Variants in ZHX3 observed in about 807,000 individuals in gnomAD.
ZHX3 encodes the protein zinc fingers and homeoboxes 3.
In ZHX3, 20 loss-of-function variants were observed where a neutral mutation model predicts 64.5. The ratio of observed to expected loss-of-function variants is 0.31; its 90% confidence interval spans 0.22 to 0.45. The LOEUF is 0.45. Ranked by LOEUF, ZHX3 falls within the 20% of genes least tolerant of loss-of-function variation. The pLI is 1.00. For synonymous variants in ZHX3, 423 were observed against 461.6 expected (o/e 0.92, Z 1.07); for missense variants, 1,041 against 1,195.8 (o/e 0.87, Z 1.91).
intron 2 of ZHX3, among the ~76,000 whole-genome samples, chr20:41,251,565 CAAT>C (rs1384656819): frequency 6.6e-6 from 1 of 152,038 alleles, no homozygotes; most frequent in Non-Finnish European, 1.5e-5. Context: ...TCTAATATGT[CAAT>C]AATTAGCTTA....
rs2045324695 is a variant in ZHX3 at position 41,317,569 on chromosome 20, C to G, written c.-305G>C. On this transcript the variant is annotated 5_prime_UTR_variant, in exon 1 of 4. Coordinates refer to ENST00000683867, the MANE Select transcript of ZHX3 (RefSeq NM_001384317.1). ...GCCGCTCTTCCCGCGCTGCGGGCCT[C>G]CCTCCCCGCGGCCGGGCGGGCGGCC... The G allele has an allele frequency of 6.8e-6, 1 of 147,102 alleles. No individual in the cohort carries two copies. Among genetic ancestry groups the G allele is most frequent in the African/African-American group, 2.4e-5 (1 of 40,902 alleles). 9.1% of individuals were successfully genotyped at this position (147,102 alleles called of 1,614,324 possible). A position where few individuals can be genotyped will look rare whatever the true frequency, so the allele number is the denominator to read the frequency against.
In ZHX3 at chr20:41,201,381, GAACCTAGAAA is replaced by G. The variant is rs2038205439; in HGVS notation, c.2860+666_2860+675del. 7.7e-7 allele frequency: 1 copy of G among 1,304,480 alleles called. No homozygotes were observed. Among genetic ancestry groups the G allele is most frequent in the Non-Finnish European group, 1.0e-6 (1 of 988,884 alleles). The allele number at this position is 1,304,480 out of a possible 1,614,324, so 80.8% of individuals were successfully genotyped here. On this transcript the variant is annotated intron_variant, in intron 3 of 3. Coordinates refer to ENST00000683867, the MANE Select transcript of ZHX3 (RefSeq NM_001384317.1). This position sits in a 1 kb window ranked among gnomAD's most constrained non-coding sequence, Gnocchi z 5.0. ...GAGAGGCTGGGAACTCAGTGACCAG[GAACCTAGAAA>G]ATCAACACGTAATAACATGACTTGT... is the stretch of plus-strand genomic sequence containing the variant.
In ZHX3 at chr20:41,205,061, T is replaced by C. The variant is rs1315416742; in HGVS notation, c.-145A>G. On this transcript the variant is annotated 5_prime_UTR_variant, in exon 3 of 4. Transcript: ENST00000683867. ...GTTTGCAGAAAGCAGGTTTTCCCTATTCAATCTAAGGAAAGGGAGAAAAAA... is the reference window on the plus strand; with the variant it reads ...GTTTGCAGAAAGCAGGTTTTCCCTACTCAATCTAAGGAAAGGGAGAAAAAA... The C allele has an allele frequency of 2.3e-6, 3 of 1,322,890 alleles. No homozygotes were observed. In the Admixed American group the frequency reaches 1.1e-4, roughly 47 times the overall value. The allele number at this position is 1,322,890 out of a possible 1,614,324, so 81.9% of individuals were successfully genotyped here. A position where few individuals can be genotyped will look rare whatever the true frequency, so the allele number is the denominator to read the frequency against.
chr20:41,248,382 C>T (rs972104711), intron 2 of ZHX3, among the ~76,000 whole-genome samples: 1 of 152,104 alleles, frequency 6.6e-6, no homozygotes, highest in African/African-American at 2.4e-5. Context: ...TATAACAACA[C>T]TCAGCTTTGC....
intron 2 of ZHX3, among the ~76,000 whole-genome samples, chr20:41,205,603 G>C (rs959754090): frequency 1.3e-5 from 2 of 152,178 alleles, no homozygotes. Flanking sequence ...ACCGGCTGCT[G>C]TAAGAGCCAG....
intron 2 of ZHX3, among the ~76,000 whole-genome samples, chr20:41,261,313 A>G (rs935514700): frequency 6.6e-6 from 1 of 152,234 alleles, no homozygotes; most frequent in Non-Finnish European, 1.5e-5. Flanking sequence ...AAAGAAGCTC[A>G]GCAAATCAGA....
At position 41,178,994 on chromosome 20, in the gene ZHX3, C is replaced by G. The variant is rs1232354894; in HGVS notation, c.*6197G>C. 1 of 152,634 alleles carries G rather than the reference C, an allele frequency of 6.6e-6. No homozygotes were observed. Among genetic ancestry groups the G allele is most frequent in the African/African-American group, 2.4e-5 (1 of 41,430 alleles). The allele number at this position is 152,634 out of a possible 1,614,324, so 9.5% of individuals were successfully genotyped here. Reference sequence around the variant, plus strand: ...CTCCCCAGTCTTATTGCCCAGAAGTCCGGCCACAGGGAACAAGGCTTTGTG... The same window carrying G: ...CTCCCCAGTCTTATTGCCCAGAAGTGCGGCCACAGGGAACAAGGCTTTGTG... On this transcript the variant is annotated 3_prime_UTR_variant, in exon 4 of 4. Transcript: ENST00000683867.
Position 41,204,418 on chromosome 20 carries a change from C to T in ZHX3, c.499G>A (p.Glu167Lys), listed in dbSNP as rs779639784. 1.2e-6 allele frequency: 2 copies of T among 1,614,078 alleles called. No homozygotes were observed. Among genetic ancestry groups the T allele is most frequent in the Non-Finnish European group, 1.7e-6 (2 of 1,180,050 alleles). Residue 167 changes from glutamate to lysine, a missense_variant, in exon 3 of 4, where the codon GAG becomes AAG. Physicochemically the swap from Glu to Lys is moderately conservative, Grantham distance 56. Transcript: ENST00000683867. The surrounding 1 kb of genome is among the most constrained non-coding windows in gnomAD (Gnocchi z 6.6). ...ESTSTPDLAGEPSAEGADGQA... is the reference protein window; with the variant it reads ...ESTSTPDLAGKPSAEGADGQA... ...CCATCAGCCCCTTCAGCACTGGGCT[C>T]ACCCGCTAGGTCAGGAGTGCTGGTG...
At chr20:41,299,057 C>T (rs1268130780) in intron 1 of ZHX3, among the ~76,000 whole-genome samples, 3 of 152,172 alleles carry the variant, frequency 2.0e-5, no homozygotes, top group Admixed American at 2.0e-4. Flanking sequence ...ATCCTAATGT[C>T]TTATTTGGAC....
intron 1 of ZHX3, among the ~76,000 whole-genome samples, chr20:41,296,131 G>C (rs1481386177): frequency 6.7e-6 from 1 of 148,774 alleles, no homozygotes; most frequent in Non-Finnish European, 1.5e-5. Flanking sequence ...TAAATTTCTG[G>C]AGTCTATTTT....
chr20:41,201,284 A>G lies in ZHX3; in HGVS notation c.2860+773T>C. 7.7e-7 allele frequency: 1 copy of G among 1,301,986 alleles called. No individual in the cohort carries two copies. The highest frequency in any genetic ancestry group is 1.2e-5 in the South Asian group (1 of 80,382). The allele number at this position is 1,301,986 out of a possible 1,614,324, so 80.7% of individuals were successfully genotyped here. On this transcript the variant is annotated intron_variant, in intron 3 of 3. Transcript: ENST00000683867. The surrounding 1 kb of genome is among the most constrained non-coding windows in gnomAD (Gnocchi z 5.0). Reference sequence around the variant, plus strand: ...ACAATACTCCGCCCTCCTGGCTCTCACCTGAGCTTCTGGCTGCCCTCTGAT... The same window carrying G: ...ACAATACTCCGCCCTCCTGGCTCTCGCCTGAGCTTCTGGCTGCCCTCTGAT...
intron 1 of ZHX3, among the ~76,000 whole-genome samples, chr20:41,280,571 CTGTTTTTT>C (rs1030849526): frequency 3.3e-5 from 5 of 152,052 alleles, no homozygotes; most frequent in Non-Finnish European, 5.9e-5. Flanking sequence ...CTATGTTTTT[CTGTTTTTT>C]TGTTTTTTGT....
chr20:41,267,477 C>T (rs958406049), intron 2 of ZHX3: 4 of 152,214 alleles, frequency 2.6e-5, no homozygotes. Context: ...CATCTATTGT[C>T]CAGCACTGGT....
At chr20:41,315,963 A>G (rs776471685) in intron 1 of ZHX3, among the ~76,000 whole-genome samples, 9 of 151,844 alleles carry the variant, frequency 5.9e-5, no homozygotes, top group Non-Finnish European at 1.2e-4. Context: ...AAAAAGAAAA[A>G]AGCACTCCAC....
intron 1 of ZHX3, among the ~76,000 whole-genome samples, chr20:41,307,900 A>T (rs994743216): frequency 3.3e-5 from 5 of 152,154 alleles, no homozygotes; most frequent in African/African-American, 1.2e-4. Flanking sequence ...TAGAGATCTA[A>T]ATGCACCTCG....
intron 2 of ZHX3, among the ~76,000 whole-genome samples, chr20:41,240,169 G>A (rs978617996): frequency 3.3e-5 from 5 of 152,194 alleles, no homozygotes; most frequent in Middle Eastern, 3.4e-3. Context: ...GCTAATTTTT[G>A]TATTTTTTTA....
At chr20:41,271,489 A>C (rs2043146961) in intron 1 of ZHX3, among the ~76,000 whole-genome samples, 3 of 152,212 alleles carry the variant, frequency 2.0e-5, no homozygotes, top group Admixed American at 1.3e-4. Flanking sequence ...ACTATAAACC[A>C]GTTAGCTTTG....
intron 3 of ZHX3, among the ~76,000 whole-genome samples, chr20:41,193,275 C>G (rs1216686149): frequency 6.6e-6 from 1 of 152,166 alleles, no homozygotes; most frequent in African/African-American, 2.4e-5. Context: ...ATCTTAATAT[C>G]AATCCATGAA....
Position 41,181,342 on chromosome 20 carries a change from GA to G in ZHX3, c.*3848del, listed in dbSNP as rs2036245142. 2 of 152,296 alleles carry G rather than the reference GA, an allele frequency of 1.3e-5. No individual in the cohort carries two copies. Among genetic ancestry groups the G allele is most frequent in the Admixed American group, 1.3e-4 (2 of 15,310 alleles). 9.4% of individuals were successfully genotyped at this position (152,296 alleles called of 1,614,324 possible). A position where few individuals can be genotyped will look rare whatever the true frequency, so the allele number is the denominator to read the frequency against. On this transcript the variant is annotated 3_prime_UTR_variant, in exon 4 of 4. Transcript: ENST00000683867. ...ATACAAAAGCACATCTGCAAATGGT[GA>G]GTCAAACTGGTGAAATCTCCCAGGT... is the stretch of plus-strand genomic sequence containing the variant.
Sources: gnomAD v4.1 joint callset for allele counts (sites outside exome capture counted in the v4.1 genomes callset) on GRCh38, gnomAD v4.1.1 for gene constraint, Gnocchi (gnomAD v3.1) non-coding constraint, MANE v1.5 for transcripts, NCBI Gene and HGNC (gene_info 2026-07-23, HGNC 2026-07-21) for gene names.